GPHN: variants seen among roughly 807,000 people sequenced by gnomAD.
The protein encoded by GPHN is gephyrin.
In GPHN, 17 loss-of-function variants were observed where a neutral mutation model predicts 95.5. That is an observed-to-expected ratio of 0.18 (90% confidence interval 0.12 to 0.27). The LOEUF is 0.27. Ranked by LOEUF, GPHN falls within the 10% of genes least tolerant of loss-of-function variation. The pLI is 1.00. For missense variants in GPHN, 660 were observed against 978.1 expected, an observed-to-expected ratio of 0.67 and a Z score of 4.34; for synonymous variants, 320 against 322.5, an observed-to-expected ratio of 0.99 and a Z score of 0.08.
chr14:66,591,511 A>G (rs1203175468), intron 1 of GPHN, among the ~76,000 whole-genome samples: 1 of 143,754 alleles, frequency 7.0e-6, no homozygotes, highest in Non-Finnish European at 1.5e-5. Flanking sequence ...ATACATCAAT[A>G]ATAGAGAAAC....
At chr14:66,932,468 T>G (rs865904342) in intron 8 of GPHN, among the ~76,000 whole-genome samples, 14 of 137,182 alleles carry the variant, frequency 1.0e-4, no homozygotes, top group African/African-American at 2.7e-4. Flanking sequence ...TTTTTTTTTT[T>G]TTTTTTTTTT....
the GPHN span, among the ~76,000 whole-genome samples, chr14:67,291,541 C>T: frequency 6.6e-6 from 1 of 152,142 alleles, no homozygotes; most frequent in Admixed American, 6.5e-5. Flanking sequence ...TCTGGGCCTC[C>T]CAGAGTGCTG....
At chr14:67,568,136 A>G in the GPHN span, among the ~76,000 whole-genome samples, 45 of 152,302 alleles carry the variant, frequency 3.0e-4, no homozygotes, top group African/African-American at 1.0e-3. Context: ...AACGTGCCCT[A>G]AGTTCCCACA....
At chr14:67,621,067 A>G in the GPHN span, 2 of 1,077,016 alleles carry the variant, frequency 1.9e-6, no homozygotes, top group South Asian at 2.6e-5. Context: ...GTGTTTGGGA[A>G]CAGTCTGCCA....
At chr14:67,700,527 A>G in the GPHN span, among the ~76,000 whole-genome samples, 1 of 150,584 alleles carries the variant, frequency 6.6e-6, no homozygotes, top group African/African-American at 2.5e-5. Context: ...CATCCTGGCT[A>G]ACACGATGAA....
At chr14:66,528,380 G>A (rs2058775308) in intron 1 of GPHN, among the ~76,000 whole-genome samples, 1 of 152,248 alleles carries the variant, frequency 6.6e-6, no homozygotes, top group Admixed American at 6.5e-5. Flanking sequence ...TGGGTCTCCT[G>A]AATACAGCAC....
chr14:66,613,970 G>C (rs1262271963), intron 1 of GPHN, among the ~76,000 whole-genome samples: 4 of 151,948 alleles, frequency 2.6e-5, no homozygotes, highest in Non-Finnish European at 5.9e-5. Context: ...TTTCCTTGCT[G>C]TAGTTATGTG....
At chr14:67,336,638 A>G in the GPHN span, 1 of 440,668 alleles carries the variant, frequency 2.3e-6, no homozygotes, top group Non-Finnish European at 4.5e-6. Flanking sequence ...AAATTAAATC[A>G]AATCATACTT....
At chr14:67,668,556 T>C in the GPHN span, among the ~76,000 whole-genome samples, 2 of 152,326 alleles carry the variant, frequency 1.3e-5, no homozygotes, top group Non-Finnish European at 2.9e-5. Flanking sequence ...CACAATCATA[T>C]ATCAATATTT....
the GPHN span, chr14:67,685,139 A>AT: frequency 3.1e-6 from 5 of 1,614,096 alleles, no homozygotes; most frequent in Non-Finnish European, 4.2e-6. Context: ...CTCATGAAAG[A>AT]TGAGTGCCGA....
At chr14:67,325,138 C>T in the GPHN span, among the ~76,000 whole-genome samples, 1,868 of 152,098 alleles carry the variant, frequency 0.012, 41 homozygotes, top group African/African-American at 0.044. Flanking sequence ...ATCTCCTGAC[C>T]TTGTGATCCA....
chr14:67,423,717 G>C, the GPHN span, among the ~76,000 whole-genome samples: 1 of 152,182 alleles, frequency 6.6e-6, no homozygotes, highest in Non-Finnish European at 1.5e-5. Context: ...CTTCCTTTAG[G>C]CTTCATAATA....
intron 4 of GPHN, among the ~76,000 whole-genome samples, chr14:66,860,039 G>C (rs2062962574): frequency 6.6e-6 from 1 of 152,102 alleles, no homozygotes; most frequent in Non-Finnish European, 1.5e-5. Flanking sequence ...TAAAGAAAGA[G>C]ATAGGAGTAG....
chr14:67,571,312 T>TC, the GPHN span: 11 of 164,196 alleles, frequency 6.7e-5, no homozygotes, highest in Non-Finnish European at 9.4e-5. Flanking sequence ...TAGAGTTTTT[T>TC]CCCCCATCTT....
chr14:67,090,457 T>A (rs1473996889), intron 12 of GPHN, among the ~76,000 whole-genome samples: 1 of 152,126 alleles, frequency 6.6e-6, no homozygotes, highest in Non-Finnish European at 1.5e-5. Flanking sequence ...TGTTTAAAAT[T>A]ACCTACCTTT....
intron 1 of GPHN, among the ~76,000 whole-genome samples, chr14:66,564,345 G>T (rs1250304156): frequency 6.6e-6 from 1 of 151,916 alleles, no homozygotes; most frequent in African/African-American, 2.4e-5. Flanking sequence ...AAAAAACTTG[G>T]AAAGACAAAG....
the GPHN span, among the ~76,000 whole-genome samples, chr14:67,611,953 G>A: frequency 1.8e-4 from 27 of 152,294 alleles, no homozygotes; most frequent in East Asian, 5.2e-3. Context: ...TGGGTGATGG[G>A]AGACAGTGAC....
At chr14:67,580,786 G>A in the GPHN span, 8 of 593,472 alleles carry the variant, frequency 1.3e-5, no homozygotes, top group South Asian at 1.6e-4. Context: ...CTTGGGTCCA[G>A]GAAGCATGAA....
At chr14:66,686,413 T>C (rs2067364630) in intron 2 of GPHN, among the ~76,000 whole-genome samples, 1 of 152,244 alleles carries the variant, frequency 6.6e-6, no homozygotes, top group Admixed American at 6.5e-5. Flanking sequence ...GTTTATGTTC[T>C]CTTTTATTTT....
Sources: allele counts gnomAD v4.1 joint callset (sites outside exome capture counted in the v4.1 genomes callset), GRCh38; gene constraint gnomAD v4.1.1; transcripts MANE v1.5; gene names NCBI Gene and HGNC (gene_info 2026-07-23, HGNC 2026-07-21).